Variants in CACNA1S observed in about 807,000 individuals in gnomAD.
CACNA1S encodes voltage-dependent L-type calcium channel subunit alpha-1S.
A neutral mutation model predicts 207.4 loss-of-function variants in CACNA1S; 126 were observed. The observed-to-expected ratio is 0.61, with a 90% confidence interval of 0.53 to 0.70. The LOEUF is 0.70. Among genes scored for constraint, CACNA1S ranks in the 30% least tolerant of loss-of-function variants. The probability of loss-of-function intolerance (pLI) is 0.00; values close to 1 mark genes in which losing one functional copy is unlikely to be tolerated. For synonymous variants in CACNA1S, 960 were observed against 932.7 expected (o/e 1.03, Z -0.53); for missense variants, 2,349 against 2,422.8 (o/e 0.97, Z 0.64).
At chr1:201,089,498 A>T (rs1307818021) in intron 5 of CACNA1S, 35 bp from the exon 6 acceptor site, 1 of 1,601,106 alleles carries the variant, frequency 6.2e-7, no homozygotes, top group Non-Finnish European at 8.5e-7. Flanking sequence ...ATCAGACAAC[A>T]GTAGTAGGTG....
Position 201,072,843 on chromosome 1 carries a change from T to G in CACNA1S, c.2158-19A>C. 2 of 1,602,908 alleles carry G rather than the reference T, an allele frequency of 1.2e-6. No homozygotes were observed. The highest frequency in any genetic ancestry group is 1.7e-6 in the Non-Finnish European group (2 of 1,169,868). ...TTTTCAGCTGTAGGAAGGAACACAATGACTATAACAATGAAAAAGAAGTTG... is the reference window on the plus strand; with the variant it reads ...TTTTCAGCTGTAGGAAGGAACACAAGGACTATAACAATGAAAAAGAAGTTG... On this transcript the variant is annotated intron_variant, in intron 15 of 43. Transcript: ENST00000362061.
At chr1:201,074,676 C>A in intron 13 of CACNA1S, 56 bp from the exon 14 acceptor site, 1 of 1,136,470 alleles carries the variant, frequency 8.8e-7, no homozygotes, top group Non-Finnish European at 1.3e-6. Context: ...GCCTGCAGGG[C>A]AGGAGTTCTG....
At position 201,091,627 on chromosome 1, in the gene CACNA1S, C is replaced by A. The variant is rs1662235864; in HGVS notation, c.694+13G>T. The A allele has an allele frequency of 6.2e-7, 1 of 1,614,144 alleles. No homozygotes were observed. The highest frequency in any genetic ancestry group is 1.7e-4 in the Middle Eastern group (1 of 6,060). On this transcript the variant is annotated intron_variant, in intron 5 of 43. Transcript: ENST00000362061. ...GGCCCTGCCCCACAGCCCCACTTTC[C>A]CTGGGAGCTCACCTGTACCAATGAA... is the stretch of plus-strand genomic sequence containing the variant.
rs529271947 is a variant in CACNA1S, at chr1:201,066,167, C to A, written c.2745+62G>T. 2 of 1,487,084 alleles carry A rather than the reference C, an allele frequency of 1.3e-6. No homozygotes were observed. Among genetic ancestry groups the A allele is most frequent in the Non-Finnish European group, 1.9e-6 (2 of 1,065,320 alleles). The allele number at this position is 1,487,084 out of a possible 1,614,324, so 92.1% of individuals were successfully genotyped here. ...CATGGCTGGGCTGAGGTTTCTGGAG[C>A]GAGGAGGCCCCTGTAACCCCTCCCA... On this transcript the variant is annotated intron_variant, in intron 21 of 43. Coordinates refer to ENST00000362061, the MANE Select transcript of CACNA1S (RefSeq NM_000069.3). The surrounding 1 kb of genome is among the most constrained non-coding windows in gnomAD (Gnocchi z 4.3).
chr1:201,105,319 G>T (rs1662837402), intron 2 of CACNA1S, among the ~76,000 whole-genome samples: 1 of 152,192 alleles, frequency 6.6e-6, no homozygotes, highest in Admixed American at 6.5e-5. Context: ...CATGATCAAA[G>T]TTCCTTCTGT....
chr1:201,060,044 C>T (rs777985309), intron 26 of CACNA1S, among the ~76,000 whole-genome samples: 3 of 152,198 alleles, frequency 2.0e-5, no homozygotes, highest in Non-Finnish European at 4.4e-5. Context: ...GCTGATGATC[C>T]TCTGCGACCT....
intron 10 of CACNA1S, among the ~76,000 whole-genome samples, chr1:201,081,084 G>T (rs1475285021): frequency 1.3e-5 from 2 of 152,110 alleles, no homozygotes; most frequent in Non-Finnish European, 1.5e-5. Flanking sequence ...TGAGATTTTG[G>T]CTTCCCTTCC....
intron 28 of CACNA1S, 80 bp downstream of exon 28, chr1:201,058,328 G>T: frequency 8.3e-7 from 1 of 1,201,092 alleles, no homozygotes; most frequent in South Asian, 1.2e-5. Flanking sequence ...TACACACAGT[G>T]GGCACCCCAC....
intron 14 of CACNA1S, among the ~76,000 whole-genome samples, chr1:201,074,189 G>A (rs1234282468): frequency 6.6e-6 from 1 of 152,202 alleles, no homozygotes; most frequent in African/African-American, 2.4e-5. Context: ...GAGGCATAGC[G>A]ACTCAGTGAC....
chr1:201,050,261 A>G, intron 34 of CACNA1S, 128 bp downstream of exon 34: 1 of 1,013,830 alleles, frequency 9.9e-7, no homozygotes, highest in Non-Finnish European at 1.6e-6. Flanking sequence ...CTGATCTGAG[A>G]CCTCAGATAA....
At chr1:201,100,310 C>T (rs552524054) in intron 2 of CACNA1S, among the ~76,000 whole-genome samples, 11 of 152,372 alleles carry the variant, frequency 7.2e-5, no homozygotes, top group African/African-American at 2.6e-4. Context: ...GCGTTGCCTG[C>T]TGTGACTGAA....
intron 24 of CACNA1S, 27 bp from the exon 25 acceptor site, chr1:201,061,495 A>C: frequency 1.2e-6 from 2 of 1,605,264 alleles, no homozygotes; most frequent in Non-Finnish European, 1.7e-6. Flanking sequence ...AAGAGAGGAC[A>C]GACTGGGTGG....
rs1660702074 is a variant in CACNA1S, at chr1:201,052,822, C to T, written c.3862-174G>A. Among the ~76,000 whole-genome samples, 2 of 152,002 alleles carry T rather than the reference C, an allele frequency of 1.3e-5. 1 individual carries two copies. Among genetic ancestry groups the T allele is most frequent in the Middle Eastern group, 6.3e-3 (2 of 316 alleles). On this transcript the variant is annotated intron_variant, in intron 31 of 43. Coordinates refer to ENST00000362061, the MANE Select transcript of CACNA1S (RefSeq NM_000069.3). The stretch of plus-strand genomic sequence containing the variant: ...AAAAAAACGGGATTATTTTCTAGAT[C>T]AGGTAAAGTTCTTCTTAGCAAGCCA...
chr1:201,040,374 A>T lies in CACNA1S; in HGVS notation c.5227T>A (p.Cys1743Ser). 1.2e-6 allele frequency: 2 copies of T among 1,613,228 alleles called. No individual in the cohort carries two copies. The highest frequency in any genetic ancestry group is 1.7e-6 in the Non-Finnish European group (2 of 1,179,950). The change falls in exon 43 of 44, where the codon TGC (cysteine) becomes AGC (serine). Residue 1743 changes from cysteine to serine, a missense_variant and splice_region_variant. By Grantham distance (112) the Cys-to-Ser change is moderately radical (BLOSUM62 -1). Transcript: ENST00000362061. Reference sequence around the variant, plus strand: ...GGCATGGAGGACTCCACCCTGGGGCACTGTTCCAAAGGTACAAAAGCAAAG... The same window carrying T: ...GGCATGGAGGACTCCACCCTGGGGCTCTGTTCCAAAGGTACAAAAGCAAAG... The part of the protein sequence containing the change: ...RGQAPPAPCQ[C>S]PRVESSMPED...
chr1:201,075,680 G>A (rs563113326), intron 12 of CACNA1S, 65 bp from the exon 13 acceptor site: 24 of 1,553,746 alleles, frequency 1.5e-5, no homozygotes, highest in African/African-American at 6.8e-5. Context: ...TATTGGGACC[G>A]CATTGACCGA....
chr1:201,096,450 C>T (rs1214150435), intron 2 of CACNA1S, among the ~76,000 whole-genome samples: 1 of 152,208 alleles, frequency 6.6e-6, no homozygotes, highest in Non-Finnish European at 1.5e-5. Context: ...GAGGGATAGT[C>T]ATTCCACAGA....
Position 201,053,433 on chromosome 1 carries a change from T to C in CACNA1S, c.3795+26A>G, listed in dbSNP as rs1660727440. 2.5e-6 allele frequency: 4 copies of C among 1,614,040 alleles called. No homozygotes were observed. The highest frequency in any genetic ancestry group is 3.4e-6 in the Non-Finnish European group (4 of 1,179,968). ...GTCCCTAGTGGCCTCCCCAGGTACGTGCAGTTTCCAGGGTCCCTGTTGCAC... is the reference window on the plus strand; with the variant it reads ...GTCCCTAGTGGCCTCCCCAGGTACGCGCAGTTTCCAGGGTCCCTGTTGCAC... On this transcript the variant is annotated intron_variant, in intron 30 of 43. Coordinates refer to ENST00000362061, the MANE Select transcript of CACNA1S (RefSeq NM_000069.3). This position sits in a 1 kb window ranked among gnomAD's most constrained non-coding sequence, Gnocchi z 5.1.
chr1:201,043,061 G>C, intron 40 of CACNA1S: 1 of 558,660 alleles, frequency 1.8e-6, no homozygotes, highest in Non-Finnish European at 3.2e-6. Context: ...CTCAACACTG[G>C]GGCCAATACT....
chr1:201,073,656 C>A lies in CACNA1S; in HGVS notation c.2064-14G>T, dbSNP rs748527518. On this transcript the variant is annotated splice_polypyrimidine_tract_variant and intron_variant, in intron 14 of 43. Transcript: ENST00000362061. ...TCTGGGAGACCCCTGAGTTAGAAAA[C>A]CCAAAGTGGAAGCCAAACCAGAAAG... The A allele has an allele frequency of 6.2e-7, 1 of 1,607,510 alleles. No individual in the cohort carries two copies. Among genetic ancestry groups the A allele is most frequent in the East Asian group, 2.2e-5 (1 of 44,860 alleles).
Sources: allele counts gnomAD v4.1 joint callset (sites outside exome capture counted in the v4.1 genomes callset), GRCh38; gene constraint gnomAD v4.1.1; non-coding constraint Gnocchi (gnomAD v3.1); transcripts MANE v1.5; gene names NCBI Gene and HGNC (gene_info 2026-07-23, HGNC 2026-07-21).